Variants in FDXACB1 observed in about 807,000 individuals in gnomAD.
FDXACB1 encodes ferredoxin-fold anticodon binding domain containing 1.
A neutral mutation model predicts 51.7 loss-of-function variants in FDXACB1; 41 were observed. The ratio of observed to expected loss-of-function variants is 0.79; its 90% confidence interval spans 0.62 to 1.03. FDXACB1 has a LOEUF of 1.03. Ranked by LOEUF, FDXACB1 falls within the 50% of genes least tolerant of loss-of-function variation. The probability of loss-of-function intolerance (pLI) is 0.00; values close to 1 mark genes in which losing one functional copy is unlikely to be tolerated. For synonymous variants in FDXACB1, 273 were observed against 278.6 expected (o/e 0.98, Z 0.20); for missense variants, 697 against 746.4 (o/e 0.93, Z 0.77).
Position 111,876,669 on chromosome 11 carries a change from G to A in FDXACB1, c.534-30C>T, listed in dbSNP as rs138528048. ...CAAAATAGACACCAATATGAAGTCT[G>A]TCATTATTAAAATAAGCAAGTATTT... On this transcript the variant is annotated intron_variant, in intron 3 of 4. Transcript: ENST00000260257. 2.2e-4 allele frequency: 356 copies of A among 1,601,628 alleles called. 2 individuals are homozygous for A. In the East Asian group the frequency reaches 5.2e-3, roughly 24 times the overall value.
Position 111,874,822 on chromosome 11 carries a change from C to A in FDXACB1, c.*100G>T. The A allele has an allele frequency of 4.1e-5, 37 of 895,064 alleles. No individual in the cohort carries two copies. The highest frequency in any genetic ancestry group is 6.2e-5 in the East Asian group (2 of 32,474). The allele number at this position is 895,064 out of a possible 1,614,324, so 55.4% of individuals were successfully genotyped here. A position where few individuals can be genotyped will look rare whatever the true frequency, so the allele number is the denominator to read the frequency against. On this transcript the variant is annotated 3_prime_UTR_variant, in exon 5 of 5. Transcript: ENST00000260257. The stretch of plus-strand genomic sequence containing the variant: ...TATGGTCACAAAGTAAAAGATTTTA[C>A]AAAAACAAAAATCCAGAAAGGACTA...
In FDXACB1 at chr11:111,876,617, C is replaced by A. The variant is rs782596239; in HGVS notation, c.556G>T (p.Val186Leu). ...AAGATATGGTTCAAAGCACCTTCTA[C>A]ATGAAAGGACTTATCTTGACTCCTG... ...GYRSQDKSFH[V>L]EGALNHIFTR... The change falls in exon 4 of 5, where the codon GTA (valine) becomes TTA (leucine). Residue 186 changes from valine (V) to leucine (L), a missense_variant. Physicochemically the swap from Val to Leu is conservative, Grantham distance 32. Around this residue, in one of 3 missense-constraint regions of FDXACB1, gnomAD observed 538 missense variants for 592.2 expected, o/e 0.91. Coordinates refer to ENST00000260257, the MANE Select transcript of FDXACB1 (RefSeq NM_138378.3). The A allele has an allele frequency of 5.0e-6, 8 of 1,613,554 alleles. No individual in the cohort carries two copies. Among genetic ancestry groups the A allele is most frequent in the Non-Finnish European group, 6.8e-6 (8 of 1,179,810 alleles).
At position 111,879,099 on chromosome 11, in the gene FDXACB1, C is replaced by T; in HGVS notation, c.34G>A (p.Gly12Arg). The T allele has an allele frequency of 6.2e-7, 1 of 1,613,072 alleles. No individual in the cohort carries two copies. Among genetic ancestry groups the T allele is most frequent in the Non-Finnish European group, 8.5e-7 (1 of 1,179,398 alleles). Residue 12 changes from glycine to arginine, a missense_variant, in exon 1 of 5, where the codon GGG becomes AGG. This residue lies in a region of FDXACB1 where 153 missense variants were observed against 133.5 expected (regional missense o/e 1.15). Coordinates refer to ENST00000260257, the MANE Select transcript of FDXACB1 (RefSeq NM_138378.3). ...AGAGCGGCGGCGAAGGAGAAATTCC[C>T]CTCCCCAACCAACAGGAGGCGCCGA... ...APRRLLLVGE[G>R]NFSFAAALSE... is the part of the protein sequence containing the mutation.
chr11:111,878,434 G>T, intron 2 of FDXACB1, 122 bp downstream of exon 2: 1 of 1,097,164 alleles, frequency 9.1e-7, no homozygotes, highest in Non-Finnish European at 1.3e-6. Context: ...GGGTTCCTTT[G>T]GGGCTTTATA....
Position 111,876,777 on chromosome 11 carries a change from G to A in FDXACB1, c.533+31C>T, listed in dbSNP as rs1555162212. ...TATCATTAGTGAGAGAGATGAAAAC[G>A]CAGAAGGCTTAAACCTATGCTATTA... is the stretch of plus-strand genomic sequence containing the variant. On this transcript the variant is annotated intron_variant, in intron 3 of 4. Transcript: ENST00000260257. 1.1e-5 allele frequency: 17 copies of A among 1,605,246 alleles called. No homozygotes were observed. In the East Asian group the frequency reaches 1.8e-4, roughly 17 times the overall value.
At chr11:111,877,555 C>T (rs1449867907) in intron 2 of FDXACB1, among the ~76,000 whole-genome samples, 3 of 134,330 alleles carry the variant, frequency 2.2e-5, no homozygotes, top group African/African-American at 8.7e-5. Context: ...CTTGCTCTGT[C>T]GCCCAGGCTG....
In FDXACB1 at chr11:111,878,949, C is replaced by T. The variant is rs562709405; in HGVS notation, c.172+12G>A. On this transcript the variant is annotated intron_variant, in intron 1 of 4. Coordinates refer to ENST00000260257, the MANE Select transcript of FDXACB1 (RefSeq NM_138378.3). ...CGCTGGGCGGGGTTTCGCAGAGGGG[C>T]GGGCTCGCTACCTCGCTCGCGCAGG... is the stretch of plus-strand genomic sequence containing the variant. 4.0e-5 allele frequency: 63 copies of T among 1,584,036 alleles called. No homozygotes were observed. Among genetic ancestry groups the T allele is most frequent in the Admixed American group, 2.6e-4 (14 of 54,184 alleles).
intron 4 of FDXACB1, 92 bp downstream of exon 4, chr11:111,876,389 T>C (rs1566368439): frequency 7.0e-7 from 1 of 1,429,016 alleles, no homozygotes. Flanking sequence ...TCACTAACAA[T>C]TTATGCACCA....
chr11:111,874,760 C>CAAAAAAAA lies in FDXACB1; in HGVS notation c.*154_*161dup, dbSNP rs535629792. On this transcript the variant is annotated 3_prime_UTR_variant, in exon 5 of 5. Coordinates refer to ENST00000260257, the MANE Select transcript of FDXACB1 (RefSeq NM_138378.3). ...TGGGCGGCAGAGCAAGACTCCGTCT[C>CAAAAAAAA]AAAAAAAAAAAAAAAAAAAGATCAA... 1 of 385,116 alleles carries CAAAAAAAA rather than the reference C, an allele frequency of 2.6e-6. No individual in the cohort carries two copies. The allele number at this position is 385,116 out of a possible 1,614,324, so 23.9% of individuals were successfully genotyped here.
chr11:111,876,578 G>A lies in FDXACB1; in HGVS notation c.595C>T (p.Pro199Ser), dbSNP rs201248796. The A allele has an allele frequency of 5.3e-5, 86 of 1,613,886 alleles. No homozygotes were observed. In the African/African-American group the frequency reaches 1.0e-3, roughly 19 times the overall value. ...ALNHIFTRSLPFEGSQPRIFR... is the reference protein window; with the variant it reads ...ALNHIFTRSLSFEGSQPRIFR... ...ATTCTGGGTTGAGAACCTTCAAAAG[G>A]TAAGCTCCTGGTGAAGATATGGTTC... The change falls in exon 4 of 5, where the codon CCT becomes TCT. Residue 199 changes from proline to serine, a missense_variant. By Grantham distance (74) the Pro-to-Ser change is moderately conservative. This residue lies in a region of FDXACB1 where 538 missense variants were observed against 592.2 expected (regional missense o/e 0.91). Coordinates refer to ENST00000260257, the MANE Select transcript of FDXACB1 (RefSeq NM_138378.3).
rs781986780 is a variant in FDXACB1, at chr11:111,875,774, G to A, written c.1023C>T (p.Gly341=). The change falls in exon 5 of 5, where the codon GGC becomes GGT. Residue 341 remains glycine (G), a synonymous_variant. Transcript: ENST00000260257. ...AAGGTCTAAGGCAGATCTTGGCCTG[G>A]CCACAGGTTCCTTCACAAGCTTCTT... is the stretch of plus-strand genomic sequence containing the variant. ...GKEEACEGTC[G]QAKICLRPSL... The A allele has an allele frequency of 2.5e-6, 4 of 1,613,658 alleles. No homozygotes were observed. Among genetic ancestry groups the A allele is most frequent in the South Asian group, 1.1e-5 (1 of 91,072 alleles).
chr11:111,875,642 G>C lies in FDXACB1; in HGVS notation c.1155C>G (p.Phe385Leu). ...AAGTTTCATGAAATGCTGGCATTGTGAAAGGCAAAATGTGGCACTTCTGAA... is the reference window on the plus strand; with the variant it reads ...AAGTTTCATGAAATGCTGGCATTGTCAAAGGCAAAATGTGGCACTTCTGAA... Reference protein sequence around the residue: ...PVFQKCHILPFTMPAFHETLF... With the variant: ...PVFQKCHILPLTMPAFHETLF... The change falls in exon 5 of 5, where the codon TTC becomes TTG. Residue 385 changes from phenylalanine (F) to leucine (L), a missense_variant. Physicochemically the swap from Phe to Leu is conservative, Grantham distance 22. Coordinates refer to ENST00000260257, the MANE Select transcript of FDXACB1 (RefSeq NM_138378.3). 6.2e-7 allele frequency: 1 copy of C among 1,613,286 alleles called. No homozygotes were observed. The highest frequency in any genetic ancestry group is 8.5e-7 in the Non-Finnish European group (1 of 1,179,826).
In FDXACB1 at chr11:111,878,580, T is replaced by A. The variant is rs782282773; in HGVS notation, c.305A>T (p.Glu102Val). 3 of 1,598,568 alleles carry A rather than the reference T, an allele frequency of 1.9e-6. No homozygotes were observed. The South Asian group carries it at 3.4e-5, about 18-fold the overall frequency. The change falls in exon 2 of 5, where the codon GAA becomes GTA. Residue 102 changes from glutamate (E) to valine (V), a missense_variant. Glu to Val is a moderately radical substitution (Grantham distance 121, BLOSUM62 -2). Around this residue, in one of 3 missense-constraint regions of FDXACB1, gnomAD observed 153 missense variants for 133.5 expected, o/e 1.15. Transcript: ENST00000260257. The part of the protein sequence containing the change: ...GRKAGVAKNR[E>V]LLAKFFQSCA... Reference sequence around the variant, plus strand: ...CCTTTGGAAAAATTTGGCAAGCAGTTCCCTGTTCTTAGCTACGCCAGCTTT... The same window carrying A: ...CCTTTGGAAAAATTTGGCAAGCAGTACCCTGTTCTTAGCTACGCCAGCTTT...
chr11:111,875,118 CG>C lies in FDXACB1; in HGVS notation c.1678del (p.Arg560GlufsTer31). On this transcript the variant is annotated frameshift_variant, in exon 5 of 5. Transcript: ENST00000260257. LOFTEE classifies it high-confidence loss of function. ...FDELEFHTVARAVSQDTIISI... is the reference protein window; with the variant it reads ...FDELEFHTVAXAVSQDTIISI... ...TATAATAGTGTCCTGAGACACTGCTCGGGCCACAGTGTGAAACTCTAGTTCA... is the reference window on the plus strand; with the variant it reads ...TATAATAGTGTCCTGAGACACTGCTCGGCCACAGTGTGAAACTCTAGTTCA... 2 of 1,613,820 alleles carry C rather than the reference CG, an allele frequency of 1.2e-6. No homozygotes were observed. Among genetic ancestry groups the C allele is most frequent in the Non-Finnish European group, 1.7e-6 (2 of 1,179,860 alleles).
chr11:111,877,733 T>A (rs1964848347), intron 2 of FDXACB1, among the ~76,000 whole-genome samples: 1 of 151,598 alleles, frequency 6.6e-6, no homozygotes, highest in South Asian at 2.1e-4. Flanking sequence ...GCCAGGCTGG[T>A]CTCAAACTCC....
intron 2 of FDXACB1, 98 bp from the exon 3 acceptor site, chr11:111,877,109 A>C: frequency 8.1e-7 from 1 of 1,241,790 alleles, no homozygotes; most frequent in Non-Finnish European, 1.1e-6. Context: ...TGAAATAATT[A>C]AAATCCAATC....
In FDXACB1 at chr11:111,875,273, C is replaced by T. The variant is rs782179550; in HGVS notation, c.1524G>A (p.Trp508Ter). Residue 508 changes from tryptophan (W) to a stop codon, truncating the protein, a stop_gained, in exon 5 of 5, where the codon TGG becomes TGA. Transcript: ENST00000260257. LOFTEE classifies it high-confidence loss of function. ...TTTTCAGGAAACGGTTATCAAACGTCCACAACATTCTCCAGTCAGAGATAC... is the reference window on the plus strand; with the variant it reads ...TTTTCAGGAAACGGTTATCAAACGTTCACAACATTCTCCAGTCAGAGATAC... Reference protein sequence around the residue: ...VWCISDWRMLWTFDNRFLKNF... With the variant: ...VWCISDWRML The T allele has an allele frequency of 3.1e-6, 5 of 1,613,886 alleles. No individual in the cohort carries two copies. The highest frequency in any genetic ancestry group is 3.4e-6 in the Non-Finnish European group (4 of 1,179,882).
rs1186722237 is a variant in FDXACB1, at chr11:111,878,916, G to A, written c.172+45C>T. On this transcript the variant is annotated intron_variant, in intron 1 of 4. Transcript: ENST00000260257. ...GCCCCCACCCTTTCCACTTTGGGAC[G>A]CGCCGGCCGCTGGGCGGGGTTTCGC... 1.9e-6 allele frequency: 3 copies of A among 1,563,026 alleles called. No homozygotes were observed. The Admixed American group carries it at 5.8e-5, about 30-fold the overall frequency.
In FDXACB1 at chr11:111,876,873, G is replaced by A. The variant is rs1964827104; in HGVS notation, c.468C>T (p.Leu156=). The change falls in exon 3 of 5, where the codon CTC becomes CTT. Residue 156 remains leucine (L), a synonymous_variant. Coordinates refer to ENST00000260257, the MANE Select transcript of FDXACB1 (RefSeq NM_138378.3). ...TGAATGGATACACGTCGCTTAAAATGAGCCCCCCCAGGGCTGCCATGGCAA... is the reference window on the plus strand; with the variant it reads ...TGAATGGATACACGTCGCTTAAAATAAGCCCCCCCAGGGCTGCCATGGCAA... ...QVVAMAALGG[L]ILSDVYPFSC... 2.5e-6 allele frequency: 4 copies of A among 1,613,812 alleles called. No individual in the cohort carries two copies. Among genetic ancestry groups the A allele is most frequent in the African/African-American group, 2.7e-5 (2 of 75,046 alleles).
Sources: allele counts gnomAD v4.1 joint callset (sites outside exome capture counted in the v4.1 genomes callset), GRCh38; gene constraint gnomAD v4.1.1; regional missense constraint gnomAD v4.1.1; transcripts MANE v1.5; gene names NCBI Gene and HGNC (gene_info 2026-07-23, HGNC 2026-07-21).